Variants in TASP1 observed in about 807,000 individuals in gnomAD.
TASP1 encodes the protein taspase 1.
TASP1 carries 16 observed loss-of-function variants against 56.6 expected under a neutral mutation model. The ratio of observed to expected loss-of-function variants is 0.28; its 90% confidence interval spans 0.19 to 0.43. The LOEUF (loss-of-function observed/expected upper bound fraction) is 0.43, where lower values mean the gene tolerates loss of function less well. Among genes scored for constraint, TASP1 ranks in the 20% least tolerant of loss-of-function variants. TASP1 has a pLI of 1.00. For missense variants in TASP1, 393 were observed against 511.6 expected (o/e 0.77, Z 2.24); for synonymous variants, 179 against 184.2 (o/e 0.97, Z 0.23).
chr20:13,262,457 T>A, the TASP1 span, among the ~76,000 whole-genome samples: 1 of 152,004 alleles, frequency 6.6e-6, no homozygotes, highest in East Asian at 1.9e-4. Flanking sequence ...GGGTTTGTTT[T>A]TCTTTTTCTT....
At chr20:13,357,122 A>G in the TASP1 span, among the ~76,000 whole-genome samples, 9 of 152,240 alleles carry the variant, frequency 5.9e-5, no homozygotes, top group African/African-American at 1.4e-4. Context: ...AACAAATCAT[A>G]TAAATATAGA....
At chr20:13,587,838 A>T (rs2047364716) in intron 4 of TASP1, among the ~76,000 whole-genome samples, 1 of 152,126 alleles carries the variant, frequency 6.6e-6, no homozygotes, top group Non-Finnish European at 1.5e-5. Flanking sequence ...ATCAATGAAA[A>T]GGCCAGGCCA....
chr20:13,432,469 A>G (rs2042844488), intron 12 of TASP1, among the ~76,000 whole-genome samples: 1 of 152,110 alleles, frequency 6.6e-6, no homozygotes, highest in African/African-American at 2.4e-5. Context: ...TTTGTTTCCT[A>G]TCCTTCTATA....
rs2042899162 is a variant in TASP1, at chr20:13,433,771, T to C, written c.1096+1273A>G. ...AATATACATCAGGCACCACTCACGC[T>C]TTCTGTAAGGAAATTTATAGGAAGG... On this transcript the variant is annotated intron_variant, in intron 12 of 13. Coordinates refer to ENST00000337743, the MANE Select transcript of TASP1 (RefSeq NM_017714.3). Among the ~76,000 whole-genome samples the C allele has an allele frequency of 3.3e-5, 5 of 151,278 alleles. No homozygotes were observed. The South Asian group carries it at 1.0e-3, about 32-fold the overall frequency.
At chr20:13,326,185 T>C in the TASP1 span, among the ~76,000 whole-genome samples, 6 of 152,216 alleles carry the variant, frequency 3.9e-5, no homozygotes, top group Non-Finnish European at 7.3e-5. Flanking sequence ...CATGTATGGA[T>C]GCACCAGAGC....
the TASP1 span, among the ~76,000 whole-genome samples, chr20:13,229,016 C>T: frequency 6.6e-6 from 1 of 152,098 alleles, no homozygotes; most frequent in Non-Finnish European, 1.5e-5. Context: ...CCACTTCCTG[C>T]CCTCAGCCTT....
chr20:13,636,306 G>A (rs747651618), intron 1 of TASP1, among the ~76,000 whole-genome samples: 3 of 150,308 alleles, frequency 2.0e-5, no homozygotes, highest in Admixed American at 6.7e-5. Context: ...CCACCATGCC[G>A]GGCTAATTTT....
intron 10 of TASP1, among the ~76,000 whole-genome samples, chr20:13,512,350 T>C (rs2044364213): frequency 6.6e-6 from 1 of 152,076 alleles, no homozygotes; most frequent in Non-Finnish European, 1.5e-5. Flanking sequence ...ATTTATCTGA[T>C]AAGCAGTGAT....
intron 13 of TASP1, among the ~76,000 whole-genome samples, chr20:13,407,104 C>G (rs989674715): frequency 2.0e-5 from 3 of 152,090 alleles, no homozygotes; most frequent in African/African-American, 7.2e-5. Context: ...AGATATAATT[C>G]ATATATCAGA....
intron 6 of TASP1, among the ~76,000 whole-genome samples, chr20:13,578,911 T>C (rs2047020782): frequency 6.6e-6 from 1 of 152,328 alleles, no homozygotes; most frequent in Non-Finnish European, 1.5e-5. Flanking sequence ...TTTACAACTG[T>C]CTTGACTATT....
chr20:13,445,285 A>C (rs542822331), intron 11 of TASP1, among the ~76,000 whole-genome samples: 1 of 152,226 alleles, frequency 6.6e-6, no homozygotes, highest in Non-Finnish European at 1.5e-5. Context: ...TGTACCTAAT[A>C]CTGTACTAGA....
At chr20:13,498,876 G>A (rs1431728381) in intron 10 of TASP1, among the ~76,000 whole-genome samples, 1 of 150,024 alleles carries the variant, frequency 6.7e-6, no homozygotes, top group Non-Finnish European at 1.5e-5. Context: ...ATATAAATTA[G>A]TTCAACCACT....
chr20:13,470,397 A>T (rs2044443210), intron 11 of TASP1, among the ~76,000 whole-genome samples: 1 of 152,010 alleles, frequency 6.6e-6, no homozygotes, highest in Non-Finnish European at 1.5e-5. Context: ...AACCGCATTC[A>T]TTTTCTAAGT....
chr20:13,333,469 T>G, the TASP1 span, among the ~76,000 whole-genome samples: 1 of 152,214 alleles, frequency 6.6e-6, no homozygotes, highest in South Asian at 2.1e-4. Flanking sequence ...GAAAGGTCAG[T>G]TATGTCAAGG....
At chr20:13,521,794 T>C (rs1474659016) in intron 10 of TASP1, among the ~76,000 whole-genome samples, 5 of 151,626 alleles carry the variant, frequency 3.3e-5, no homozygotes, top group Non-Finnish European at 5.9e-5. Flanking sequence ...TAAAATTAAA[T>C]TAAATTAAAT....
chr20:13,388,822 CA>C (rs1298619006), downstream of TASP1, among the ~76,000 whole-genome samples: 1 of 152,188 alleles, frequency 6.6e-6, no homozygotes, highest in Non-Finnish European at 1.5e-5. Flanking sequence ...ACCAGGAATA[CA>C]AATCAGCAAC....
intron 10 of TASP1, among the ~76,000 whole-genome samples, chr20:13,491,201 G>A (rs3789345): frequency 0.22 from 33,647 of 152,030 alleles, 3,833 homozygotes; most frequent in Middle Eastern, 0.29. Flanking sequence ...AAATAGTATG[G>A]TAAAGATTTC....
the TASP1 span, among the ~76,000 whole-genome samples, chr20:13,308,786 C>T: frequency 1.3e-5 from 2 of 152,072 alleles, no homozygotes; most frequent in African/African-American, 4.8e-5. Flanking sequence ...TTATGATATT[C>T]GGAGGTGCAG....
chr20:13,429,806 CTT>C (rs1201965543), intron 12 of TASP1, among the ~76,000 whole-genome samples: 2 of 152,172 alleles, frequency 1.3e-5, no homozygotes, highest in Non-Finnish European at 2.9e-5. Flanking sequence ...TTATGTCACT[CTT>C]GGGTTGAACA....
Sources: allele counts gnomAD v4.1 joint callset (sites outside exome capture counted in the v4.1 genomes callset), GRCh38; gene constraint gnomAD v4.1.1; transcripts MANE v1.5; gene names NCBI Gene and HGNC (gene_info 2026-07-23, HGNC 2026-07-21).